Variants in SLC10A7 observed in about 807,000 individuals in gnomAD.
SLC10A7 encodes sodium/bile acid cotransporter 7.
Under a neutral mutation model 43.2 loss-of-function variants are expected in SLC10A7, and 29 were observed. The ratio of observed to expected loss-of-function variants is 0.67; its 90% CI spans 0.50 to 0.92. The LOEUF is 0.92. Among genes scored for constraint, SLC10A7 ranks in the 40% least tolerant of loss-of-function variants. The probability of loss-of-function intolerance (pLI) is 0.00; values close to 1 mark genes in which losing one functional copy is unlikely to be tolerated. For synonymous variants in SLC10A7, 152 were observed against 144.8 expected (o/e 1.05, Z -0.35); for missense variants, 295 against 403.2 (o/e 0.73, Z 2.30).
intron 5 of SLC10A7, chr4:146,442,176 A>G (rs1433784533): frequency 9.3e-6 from 9 of 972,676 alleles, no homozygotes; most frequent in Non-Finnish European, 1.1e-5. Context: ...AATGATTAAA[A>G]ATGCTAAAAC....
intron 5 of SLC10A7, among the ~76,000 whole-genome samples, chr4:146,434,224 A>T (rs1730026572): frequency 6.6e-6 from 1 of 152,190 alleles, no homozygotes; most frequent in African/African-American, 2.4e-5. Flanking sequence ...CAGGACATAG[A>T]CCAAAATGCT....
At chr4:146,389,109 C>T (rs572557765) in intron 5 of SLC10A7, among the ~76,000 whole-genome samples, 3 of 152,110 alleles carry the variant, frequency 2.0e-5, no homozygotes, top group South Asian at 2.1e-4. Flanking sequence ...TACTCACAAG[C>T]GGGAGCTAAA....
chr4:146,394,441 C>T (rs947449176), intron 5 of SLC10A7, among the ~76,000 whole-genome samples: 6 of 152,098 alleles, frequency 3.9e-5, no homozygotes, highest in Admixed American at 3.3e-4. Flanking sequence ...CTCACTGCAA[C>T]CTCAGCCTCC....
intron 4 of SLC10A7, among the ~76,000 whole-genome samples, chr4:146,468,898 A>G (rs1392878262): frequency 6.6e-6 from 1 of 152,158 alleles, no homozygotes; most frequent in African/African-American, 2.4e-5. Context: ...ATTCAATAAC[A>G]AATACATTTT....
intron 4 of SLC10A7, among the ~76,000 whole-genome samples, chr4:146,475,216 G>C (rs1733922995): frequency 6.6e-6 from 1 of 151,946 alleles, no homozygotes; most frequent in Non-Finnish European, 1.5e-5. Context: ...AAAATCCCCA[G>C]GCTAAAATAA....
chr4:146,365,254 T>C (rs942368229), intron 5 of SLC10A7, among the ~76,000 whole-genome samples: 1 of 152,260 alleles, frequency 6.6e-6, no homozygotes, highest in African/African-American at 2.4e-5. Flanking sequence ...CTTTTATTTA[T>C]ATAAACACTG....
At chr4:146,441,478 TAAG>T (rs1424614583) in intron 5 of SLC10A7, among the ~76,000 whole-genome samples, 6 of 152,164 alleles carry the variant, frequency 3.9e-5, no homozygotes, top group Non-Finnish European at 5.9e-5. Flanking sequence ...AGACCCAACT[TAAG>T]AAGATGTTTT....
chr4:146,272,382 C>G (rs1345246904), intron 10 of SLC10A7, among the ~76,000 whole-genome samples: 3 of 152,086 alleles, frequency 2.0e-5, no homozygotes, highest in Non-Finnish European at 2.9e-5. Context: ...TTGTCAAAAA[C>G]CTACTGGGTA....
intron 5 of SLC10A7, among the ~76,000 whole-genome samples, chr4:146,432,939 G>C (rs1318246233): frequency 1.3e-5 from 2 of 151,434 alleles, no homozygotes; most frequent in African/African-American, 4.8e-5. Context: ...TCGGGAGGCT[G>C]AGGCAGGAGA....
chr4:146,502,937 T>C (rs1560972561), intron 4 of SLC10A7, among the ~76,000 whole-genome samples: 1 of 152,210 alleles, frequency 6.6e-6, no homozygotes, highest in Non-Finnish European at 1.5e-5. Context: ...TATATGGATA[T>C]GGATATGTTC....
intron 10 of SLC10A7, among the ~76,000 whole-genome samples, chr4:146,281,573 C>T (rs1408097678): frequency 6.6e-6 from 1 of 152,120 alleles, no homozygotes; most frequent in African/African-American, 2.4e-5. Context: ...AGGAGTCTGG[C>T]AGCATCTGCC....
chr4:146,507,601 A>G (rs1215472531), intron 3 of SLC10A7, among the ~76,000 whole-genome samples: 2 of 152,128 alleles, frequency 1.3e-5, no homozygotes, highest in South Asian at 2.1e-4. Context: ...ATCTGTCACC[A>G]TAACTAACTT....
chr4:146,299,945 G>A (rs986234245), intron 7 of SLC10A7, among the ~76,000 whole-genome samples: 3 of 152,180 alleles, frequency 2.0e-5, no homozygotes, highest in African/African-American at 7.2e-5. Context: ...TGAGGTGAAT[G>A]ACAGGTCATG....
At chr4:146,273,395 G>C (rs1000320201) in intron 10 of SLC10A7, among the ~76,000 whole-genome samples, 17 of 152,130 alleles carry the variant, frequency 1.1e-4, no homozygotes, top group Non-Finnish European at 2.9e-5. Flanking sequence ...TTTGAAATTA[G>C]AGACCTGAGT....
intron 6 of SLC10A7, among the ~76,000 whole-genome samples, chr4:146,314,201 GGGATTAT>G (rs1304923451): frequency 6.6e-6 from 1 of 152,032 alleles, no homozygotes; most frequent in African/African-American, 2.4e-5. Flanking sequence ...CCTGTTACGT[GGGATTAT>G]GCATCAAGTA....
At chr4:146,466,146 T>A (rs1158569813) in intron 4 of SLC10A7, among the ~76,000 whole-genome samples, 1 of 152,228 alleles carries the variant, frequency 6.6e-6, no homozygotes, top group African/African-American at 2.4e-5. Flanking sequence ...GAATTTAAAT[T>A]GCAATTAACA....
intron 1 of SLC10A7, among the ~76,000 whole-genome samples, chr4:146,519,925 G>A (rs546652179): frequency 6.6e-6 from 1 of 152,270 alleles, no homozygotes; most frequent in South Asian, 2.1e-4. Flanking sequence ...AATGGGAAAT[G>A]GCATTTCTAT....
chr4:146,517,059 A>G lies in SLC10A7; in HGVS notation c.162T>C (p.Ser54=), dbSNP rs139872057. 7.4e-4 allele frequency: 1,183 copies of G among 1,607,556 alleles called. 6 individuals are homozygous for G. The African/African-American group carries it at 0.014, about 19-fold the overall frequency. ...YIAVATIFFN[S]GLSLKTEELT... is the part of the protein sequence containing the mutation. ...GTACCTCTGTTTTCAATGATAGTCC[A>G]CTGTTAAAGAATATTGTTGCAACAG... Residue 54 remains serine, a synonymous_variant, in exon 2 of 12, where the codon AGT becomes AGC. Coordinates refer to ENST00000335472, the MANE Select transcript of SLC10A7 (RefSeq NM_001029998.6).
intron 5 of SLC10A7, among the ~76,000 whole-genome samples, chr4:146,331,294 A>G (rs938967679): frequency 6.6e-6 from 1 of 152,212 alleles, no homozygotes; most frequent in African/African-American, 2.4e-5. Context: ...ATTATCTATC[A>G]GCCAATCCAA....
Sources: allele counts gnomAD v4.1 joint callset (sites outside exome capture counted in the v4.1 genomes callset), GRCh38; gene constraint gnomAD v4.1.1; transcripts MANE v1.5; gene names NCBI Gene and HGNC (gene_info 2026-07-23, HGNC 2026-07-21).